SAMD12: variants seen among roughly 807,000 people sequenced by gnomAD.
The protein encoded by SAMD12 is sterile alpha motif domain containing 12.
SAMD12 carries 9 observed loss-of-function variants against 15.0 expected under a neutral mutation model. That is an observed-to-expected ratio of 0.60 (90% CI 0.36 to 1.05). SAMD12 has a LOEUF of 1.05. Ranked by LOEUF, SAMD12 falls within the 50% of genes least tolerant of loss-of-function variation. The pLI, the probability that SAMD12 is intolerant of heterozygous loss-of-function variation, is 0.01. For synonymous variants in SAMD12, 86 were observed against 90.1 expected, an observed-to-expected ratio of 0.96 and a Z score of 0.25; for missense variants, 230 against 234.2, an observed-to-expected ratio of 0.98 and a Z score of 0.12.
chr8:118,600,328 G>A (rs1827828784), intron 1 of SAMD12, among the ~76,000 whole-genome samples: 1 of 152,014 alleles, frequency 6.6e-6, no homozygotes, highest in South Asian at 2.1e-4. Context: ...TTTTCCAAGT[G>A]AGAAGAAATG....
intron 2 of SAMD12, among the ~76,000 whole-genome samples, chr8:118,451,690 T>G (rs969693346): frequency 6.6e-6 from 1 of 152,126 alleles, no homozygotes; most frequent in East Asian, 1.9e-4. Context: ...ATTGCTGCAA[T>G]TGTATTTAGT....
At chr8:118,318,306 ATGTG>A (rs1245583708) in intron 4 of SAMD12, among the ~76,000 whole-genome samples, 1 of 82,242 alleles carries the variant, frequency 1.2e-5, no homozygotes, top group Non-Finnish European at 2.3e-5. Flanking sequence ...TGGGAGATAT[ATGTG>A]TATATATATA....
At chr8:118,617,512 T>A (rs1399984656) in intron 1 of SAMD12, among the ~76,000 whole-genome samples, 1 of 152,210 alleles carries the variant, frequency 6.6e-6, no homozygotes, top group African/African-American at 2.4e-5. Context: ...GAGCACACAG[T>A]CTTGCATTTG....
chr8:118,140,171 A>G, the SAMD12 span, among the ~76,000 whole-genome samples: 2 of 152,370 alleles, frequency 1.3e-5, no homozygotes, highest in African/African-American at 4.8e-5. Context: ...CAATAATTGA[A>G]ATGGAAGGAT....
At chr8:118,182,078 A>G in the SAMD12 span, among the ~76,000 whole-genome samples, 3 of 152,212 alleles carry the variant, frequency 2.0e-5, no homozygotes, top group African/African-American at 7.2e-5. Flanking sequence ...GAGGGGCATC[A>G]TAAGAAACAG....
intron 4 of SAMD12, among the ~76,000 whole-genome samples, chr8:118,252,891 C>T (rs895479701): frequency 2.6e-5 from 4 of 152,178 alleles, no homozygotes; most frequent in African/African-American, 9.6e-5. Flanking sequence ...GCTTCTCTGC[C>T]AGTCCCGGCA....
intron 3 of SAMD12, among the ~76,000 whole-genome samples, chr8:118,423,312 G>A (rs576929291): frequency 5.9e-5 from 9 of 152,132 alleles, no homozygotes; most frequent in East Asian, 1.9e-4. Context: ...AAATGTCTTC[G>A]GGACTCAGGC....
At chr8:118,181,251 T>C in the SAMD12 span, among the ~76,000 whole-genome samples, 1 of 152,230 alleles carries the variant, frequency 6.6e-6, no homozygotes. Flanking sequence ...TTATGACTAA[T>C]GTTGGATTCA....
intron 2 of SAMD12, among the ~76,000 whole-genome samples, chr8:118,556,667 T>C (rs912481874): frequency 2.0e-5 from 3 of 152,138 alleles, no homozygotes; most frequent in Non-Finnish European, 2.9e-5. Flanking sequence ...AATCTGGTGA[T>C]AGAAATAGAC....
At chr8:118,606,151 C>T (rs899851064) in intron 1 of SAMD12, among the ~76,000 whole-genome samples, 2 of 152,038 alleles carry the variant, frequency 1.3e-5, no homozygotes, top group Admixed American at 6.6e-5. Flanking sequence ...ACCTTGGAGA[C>T]CCCCAAGATC....
chr8:118,465,580 T>C (rs1440202501), intron 2 of SAMD12, among the ~76,000 whole-genome samples: 2 of 152,166 alleles, frequency 1.3e-5, no homozygotes, highest in Non-Finnish European at 2.9e-5. Context: ...GGGTAAGACA[T>C]AGATTTCTCA....
intron 1 of SAMD12, among the ~76,000 whole-genome samples, chr8:118,601,808 C>T (rs1827871961): frequency 6.6e-6 from 1 of 152,130 alleles, no homozygotes; most frequent in South Asian, 2.1e-4. Flanking sequence ...AGATGAAGAA[C>T]TGATGGGTAG....
At chr8:118,421,565 T>C (rs76278459) in intron 3 of SAMD12, among the ~76,000 whole-genome samples, 1 of 152,318 alleles carries the variant, frequency 6.6e-6, no homozygotes, top group East Asian at 1.9e-4. Context: ...TTTGGGTGTA[T>C]GAAACAAAAC....
intron 4 of SAMD12, among the ~76,000 whole-genome samples, chr8:118,355,072 A>C (rs1320806922): frequency 3.3e-5 from 5 of 152,274 alleles, no homozygotes; most frequent in Non-Finnish European, 5.9e-5. Context: ...CATTATATGA[A>C]AAAGATACTT....
the SAMD12 span, among the ~76,000 whole-genome samples, chr8:118,164,004 C>T: frequency 6.6e-6 from 1 of 152,212 alleles, no homozygotes; most frequent in African/African-American, 2.4e-5. Context: ...GAGGTTTCTC[C>T]TCCAACTTTA....
At chr8:118,241,160 C>T (rs1812553499) in intron 4 of SAMD12, among the ~76,000 whole-genome samples, 1 of 152,248 alleles carries the variant, frequency 6.6e-6, no homozygotes, top group Non-Finnish European at 1.5e-5. Context: ...ACTCATTTTC[C>T]GGGAGGACAT....
At chr8:118,272,674 G>A (rs546299963) in intron 4 of SAMD12, among the ~76,000 whole-genome samples, 1 of 152,196 alleles carries the variant, frequency 6.6e-6, no homozygotes, top group South Asian at 2.1e-4. Flanking sequence ...TCTCTCTCAA[G>A]TTCAAAGTTC....
intron 4 of SAMD12, among the ~76,000 whole-genome samples, chr8:118,366,810 C>A (rs1818791491): frequency 1.4e-5 from 1 of 70,394 alleles, no homozygotes; most frequent in Admixed American, 1.7e-4. Context: ...GAAACTCTGT[C>A]TCAAATAAAA....
chr8:118,541,056 A>T (rs570427507), intron 2 of SAMD12, among the ~76,000 whole-genome samples: 3 of 152,352 alleles, frequency 2.0e-5, no homozygotes, highest in African/African-American at 7.2e-5. Flanking sequence ...TGTCTTTCCC[A>T]GAGGATGAAG....
Sources: gnomAD v4.1 joint callset for allele counts (sites outside exome capture counted in the v4.1 genomes callset) on GRCh38, gnomAD v4.1.1 for gene constraint, MANE v1.5 for transcripts, NCBI Gene and HGNC (gene_info 2026-07-23, HGNC 2026-07-21) for gene names.